Variants in DNAH9 observed in about 807,000 individuals in gnomAD.
DNAH9 encodes dynein axonemal heavy chain 9.
DNAH9 carries 345 observed loss-of-function variants against 471.6 expected under a neutral mutation model. That is an observed-to-expected ratio of 0.73 (90% CI 0.67 to 0.80). The LOEUF (loss-of-function observed/expected upper bound fraction) is 0.80. Ranked by LOEUF, DNAH9 falls within the 30% of genes least tolerant of loss-of-function variation. The pLI is 0.00. For missense variants in DNAH9, 5,407 were observed against 5,609.2 expected (o/e 0.96, Z 1.15); for synonymous variants, 2,093 against 2,123.6 (o/e 0.99, Z 0.40).
At position 11,738,867 on chromosome 17, in the gene DNAH9, A is replaced by G. The variant is rs769054990; in HGVS notation, c.5815-13A>G. The G allele has an allele frequency of 6.2e-7, 1 of 1,612,954 alleles. No individual in the cohort carries two copies. The highest frequency in any genetic ancestry group is 1.7e-5 in the Admixed American group (1 of 59,984). ...CAATTGAGGAATTTCTCGCTGATTG[A>G]TTGGTTCACCAGGTAAAAAGCATTC... is the stretch of plus-strand genomic sequence containing the variant. On this transcript the variant is annotated splice_polypyrimidine_tract_variant and intron_variant, in intron 28 of 68. Coordinates refer to ENST00000262442, the MANE Select transcript of DNAH9 (RefSeq NM_001372.4).
intron 12 of DNAH9, among the ~76,000 whole-genome samples, chr17:11,650,326 C>A (rs1011827963): frequency 2.0e-5 from 3 of 152,152 alleles, no homozygotes; most frequent in Non-Finnish European, 2.9e-5. Context: ...TGGGTTCAGA[C>A]AGAAACATCA....
At chr17:11,816,212 G>T (rs1263153813) in intron 45 of DNAH9, among the ~76,000 whole-genome samples, 2 of 152,132 alleles carry the variant, frequency 1.3e-5, no homozygotes, top group East Asian at 3.8e-4. Context: ...CATTGTGTTT[G>T]CTGTTGATTA....
intron 67 of DNAH9, among the ~76,000 whole-genome samples, chr17:11,961,091 G>A (rs938886447): frequency 3.9e-5 from 6 of 152,126 alleles, no homozygotes; most frequent in Non-Finnish European, 2.9e-5. Context: ...GAGGTGGGCT[G>A]ATCACTTGAG....
At chr17:11,639,456 A>C (rs1477222662) in intron 9 of DNAH9, among the ~76,000 whole-genome samples, 1 of 152,258 alleles carries the variant, frequency 6.6e-6, no homozygotes, top group South Asian at 2.1e-4. Context: ...ATATAAGCAG[A>C]CAAACCCATT....
At chr17:11,878,908 C>T (rs751050493) in intron 53 of DNAH9, among the ~76,000 whole-genome samples, 1 of 152,048 alleles carries the variant, frequency 6.6e-6, no homozygotes, top group Non-Finnish European at 1.5e-5. Flanking sequence ...CATGGAAATC[C>T]AATCAATTTA....
chr17:11,862,227 T>C (rs1971874701), intron 50 of DNAH9, among the ~76,000 whole-genome samples: 1 of 131,178 alleles, frequency 7.6e-6, no homozygotes, highest in African/African-American at 2.8e-5. Flanking sequence ...CAGTTTCAGC[T>C]TTCTACATAT....
intron 29 of DNAH9, among the ~76,000 whole-genome samples, chr17:11,740,688 A>AG (rs2075419914): frequency 6.6e-6 from 1 of 152,206 alleles, no homozygotes; most frequent in Non-Finnish European, 1.5e-5. Context: ...AGGCCCTATG[A>AG]GGTAGTACTA....
At chr17:11,798,457 A>AAAAAG (rs1555597619) in intron 43 of DNAH9, among the ~76,000 whole-genome samples, 2 of 130,040 alleles carry the variant, frequency 1.5e-5, no homozygotes, top group African/African-American at 6.0e-5. Context: ...AAAAAAAAAA[A>AAAAAG]AGAGAGAGAG....
chr17:11,777,310 AGT>A (rs1968473660), intron 38 of DNAH9, among the ~76,000 whole-genome samples: 1 of 152,246 alleles, frequency 6.6e-6, no homozygotes, highest in Non-Finnish European at 1.5e-5. Context: ...AGTGTAATTA[AGT>A]TTCTTCTCAT....
chr17:11,834,584 C>T (rs1597713773), intron 48 of DNAH9, 54 bp from the exon 49 acceptor site: 1 of 1,601,744 alleles, frequency 6.2e-7, no homozygotes, highest in South Asian at 1.1e-5. Context: ...TAGTCCAGTG[C>T]CCACAGTCCC....
chr17:11,692,467 G>A (rs1012868286), intron 20 of DNAH9, among the ~76,000 whole-genome samples: 11 of 152,086 alleles, frequency 7.2e-5, no homozygotes, highest in African/African-American at 1.9e-4. Context: ...TGTTGACAAC[G>A]GATTACTTTT....
At chr17:11,612,308 A>C in intron 4 of DNAH9, 1 of 204,402 alleles carries the variant, frequency 4.9e-6, no homozygotes, top group East Asian at 1.2e-4. Flanking sequence ...ATTGGCTGGG[A>C]CCCCTCATTA....
rs1472199502 is a variant in DNAH9, at chr17:11,757,671, G to C, written c.6974G>C (p.Cys2325Ser). 6.2e-7 allele frequency: 1 copy of C among 1,613,858 alleles called. No individual in the cohort carries two copies. The highest frequency in any genetic ancestry group is 2.2e-5 in the East Asian group (1 of 44,874). Residue 2325 changes from cysteine (C) to serine (S), a missense_variant, in exon 35 of 69, where the codon TGC becomes TCC. Transcript: ENST00000262442. ...TILFDKYLPT[C>S]LDTLRTRFKK... is the part of the protein sequence containing the mutation. ...TTGTTCGACAAGTATCTTCCAACCTGCCTAGACACACTCAGAACCAGGTAG... is the reference window on the plus strand; with the variant it reads ...TTGTTCGACAAGTATCTTCCAACCTCCCTAGACACACTCAGAACCAGGTAG...
At chr17:11,934,107 G>T in intron 65 of DNAH9, 36 bp downstream of exon 65, 1 of 1,590,314 alleles carries the variant, frequency 6.3e-7, no homozygotes, top group Non-Finnish European at 8.6e-7. Context: ...TGTCGTGAGG[G>T]TGCTCACAGG....
At chr17:11,676,232 A>G (rs2074047191) in intron 17 of DNAH9, among the ~76,000 whole-genome samples, 1 of 149,496 alleles carries the variant, frequency 6.7e-6, no homozygotes. Context: ...CAACTGTTTA[A>G]TCTCTGCAAA....
intron 43 of DNAH9, among the ~76,000 whole-genome samples, chr17:11,798,343 G>C (rs1173302724): frequency 6.9e-6 from 1 of 145,366 alleles, no homozygotes; most frequent in East Asian, 2.1e-4. Flanking sequence ...TGAGGCAAGA[G>C]AATCGCTTGA....
intron 10 of DNAH9, among the ~76,000 whole-genome samples, chr17:11,642,188 A>G (rs1260228959): frequency 6.6e-6 from 1 of 152,160 alleles, no homozygotes; most frequent in African/African-American, 2.4e-5. Flanking sequence ...GAAGGCACAC[A>G]ACAGAGACCT....
chr17:11,619,983 G>A (rs944056386), intron 6 of DNAH9: 2 of 561,652 alleles, frequency 3.6e-6, no homozygotes, highest in African/African-American at 3.8e-5. Flanking sequence ...GGCAAAGGTG[G>A]GTGGATTGCT....
chr17:11,886,772 T>G, intron 56 of DNAH9, 53 bp from the exon 57 acceptor site: 3 of 1,553,272 alleles, frequency 1.9e-6, no homozygotes, highest in Non-Finnish European at 2.6e-6. Flanking sequence ...AAGTTGATTC[T>G]CAGGAAGCCC....
Sources: gnomAD v4.1 joint callset for allele counts (sites outside exome capture counted in the v4.1 genomes callset) on GRCh38, gnomAD v4.1.1 for gene constraint, MANE v1.5 for transcripts, NCBI Gene and HGNC (gene_info 2026-07-23, HGNC 2026-07-21) for gene names.